DUSP16: variants seen among roughly 807,000 people sequenced by gnomAD.
DUSP16 encodes dual specificity phosphatase 16.
DUSP16 carries 21 observed loss-of-function variants against 58.3 expected under a neutral mutation model. The ratio of observed to expected loss-of-function variants is 0.36; its 90% confidence interval spans 0.26 to 0.52. The LOEUF (loss-of-function observed/expected upper bound fraction) is 0.52, where lower values mean the gene tolerates loss of function less well. DUSP16 is among the 20% of genes least tolerant of loss of function. DUSP16 has a pLI of 0.94. For synonymous variants in DUSP16, 320 were observed against 323.8 expected, an observed-to-expected ratio of 0.99 and a Z score of 0.12; for missense variants, 726 against 819.0, an observed-to-expected ratio of 0.89 and a Z score of 1.39.
chr12:12,517,922 T>G (rs1044073036), intron 3 of DUSP16, among the ~76,000 whole-genome samples: 1 of 152,200 alleles, frequency 6.6e-6, no homozygotes, highest in Non-Finnish European at 1.5e-5. Context: ...AGAGTTGACA[T>G]AGCTAATCAG....
chr12:12,534,081 C>A (rs1944430444), intron 1 of DUSP16, among the ~76,000 whole-genome samples: 1 of 152,188 alleles, frequency 6.6e-6, no homozygotes, highest in Non-Finnish European at 1.5e-5. Context: ...ATTTTCAAGG[C>A]TTGCTCTGAG....
At chr12:12,509,911 C>G (rs1403800584) in intron 3 of DUSP16, among the ~76,000 whole-genome samples, 1 of 152,070 alleles carries the variant, frequency 6.6e-6, no homozygotes, top group Non-Finnish European at 1.5e-5. Context: ...AGAAGACTCT[C>G]AGGGTGAGTG....
At chr12:12,557,497 T>TA (rs929223568) in intron 1 of DUSP16, among the ~76,000 whole-genome samples, 9 of 151,676 alleles carry the variant, frequency 5.9e-5, no homozygotes, top group African/African-American at 1.9e-4. Context: ...TGCTTTGACC[T>TA]AAAAAAAAGT....
At chr12:12,536,583 A>G (rs1944466357) in intron 1 of DUSP16, among the ~76,000 whole-genome samples, 1 of 151,820 alleles carries the variant, frequency 6.6e-6, no homozygotes, top group Non-Finnish European at 1.5e-5. Context: ...TGTCTCTACT[A>G]AAAATACAAA....
At chr12:12,525,887 A>G (rs1427855310) in intron 1 of DUSP16, among the ~76,000 whole-genome samples, 1 of 152,106 alleles carries the variant, frequency 6.6e-6, no homozygotes, top group Non-Finnish European at 1.5e-5. Flanking sequence ...TTTATGACAT[A>G]CTAGTTAGAG....
chr12:12,480,491 T>C lies in DUSP16; in HGVS notation c.692-145A>G, dbSNP rs183363437. 6 of 962,610 alleles carry C rather than the reference T, an allele frequency of 6.2e-6. No homozygotes were observed. In the East Asian group the frequency reaches 1.7e-4, roughly 27 times the overall value. The allele number at this position is 962,610 out of a possible 1,614,324, so 59.6% of individuals were successfully genotyped here. ...GTATATCATATTTATCCTCGCAATA[T>C]TCTTTTGAGGAGGCAGGGGAAGATA... On this transcript the variant is annotated intron_variant, in intron 5 of 6. Coordinates refer to ENST00000298573, the MANE Select transcript of DUSP16 (RefSeq NM_030640.3).
At chr12:12,542,163 G>T (rs1944569102) in intron 1 of DUSP16, among the ~76,000 whole-genome samples, 1 of 152,056 alleles carries the variant, frequency 6.6e-6, no homozygotes, top group Non-Finnish European at 1.5e-5. Flanking sequence ...GATCACCTCA[G>T]GTTGGGAGTT....
At chr12:12,541,464 A>G (rs1201486633) in intron 1 of DUSP16, among the ~76,000 whole-genome samples, 1 of 152,238 alleles carries the variant, frequency 6.6e-6, no homozygotes, top group African/African-American at 2.4e-5. Context: ...AGGAGGGAAA[A>G]TAAGAAACTC....
chr12:12,561,660 G>A (rs1262359031), intron 1 of DUSP16, among the ~76,000 whole-genome samples: 1 of 152,208 alleles, frequency 6.6e-6, no homozygotes, highest in Non-Finnish European at 1.5e-5. Flanking sequence ...GGCGAACTGG[G>A]GATAATGGGA....
intron 1 of DUSP16, among the ~76,000 whole-genome samples, chr12:12,522,031 G>A (rs17379216): frequency 0.28 from 42,309 of 152,120 alleles, 6,851 homozygotes; most frequent in Non-Finnish European, 0.34. Context: ...TTGCCCTCAC[G>A]GAGGAGAGAA....
At chr12:12,493,069 G>A (rs545795976) in intron 4 of DUSP16, among the ~76,000 whole-genome samples, 3 of 152,208 alleles carry the variant, frequency 2.0e-5, no homozygotes, top group South Asian at 4.1e-4. Context: ...AGTACTGTCT[G>A]TATGTTAATG....
At chr12:12,498,399 A>AGTATTTAT (rs1943862263) in intron 4 of DUSP16, among the ~76,000 whole-genome samples, 1 of 146,668 alleles carries the variant, frequency 6.8e-6, no homozygotes, top group South Asian at 2.1e-4. Context: ...TTTATTTTTT[A>AGTATTTAT]TTATTTATTT....
At chr12:12,538,462 A>G (rs1944503822) in intron 1 of DUSP16, among the ~76,000 whole-genome samples, 1 of 152,228 alleles carries the variant, frequency 6.6e-6, no homozygotes. Context: ...ATATTTATTC[A>G]AAGTCACACT....
chr12:12,477,262 G>A lies in DUSP16; in HGVS notation c.1569C>T (p.Thr523=), dbSNP rs200677415. ...CAGACTTCGTGAGGTGCTGCTGGCT[G>A]GTGGAAAGGCCGAAAAGGAAGCTGG... is the stretch of plus-strand genomic sequence containing the variant. ...YHTSFLFGLS[T]SQQHLTKSAG... Residue 523 remains threonine, a synonymous_variant, in exon 7 of 7, where the codon ACC becomes ACT. Coordinates refer to ENST00000298573, the MANE Select transcript of DUSP16 (RefSeq NM_030640.3). The surrounding 1 kb of genome is among the most constrained non-coding windows in gnomAD (Gnocchi z 4.1). 1.3e-5 allele frequency: 21 copies of A among 1,614,236 alleles called. No homozygotes were observed. The East Asian group carries it at 4.7e-4, about 36-fold the overall frequency.
At chr12:12,529,373 G>GT (rs1343730276) in intron 1 of DUSP16, among the ~76,000 whole-genome samples, 2 of 152,218 alleles carry the variant, frequency 1.3e-5, no homozygotes, top group African/African-American at 2.4e-5. Context: ...GCCTCCAAAA[G>GT]TGCTGGGATT....
chr12:12,510,282 G>A (rs1479787766), intron 3 of DUSP16, among the ~76,000 whole-genome samples: 2 of 152,142 alleles, frequency 1.3e-5, no homozygotes, highest in Non-Finnish European at 2.9e-5. Context: ...TATCCATAGG[G>A]GAAACTTGAT....
intron 1 of DUSP16, among the ~76,000 whole-genome samples, chr12:12,527,785 A>G (rs779057576): frequency 6.6e-6 from 1 of 152,128 alleles, no homozygotes; most frequent in East Asian, 1.9e-4. Context: ...TTTAGATGAT[A>G]CTAGACCTGG....
intron 1 of DUSP16, among the ~76,000 whole-genome samples, chr12:12,548,914 A>T (rs1944687846): frequency 6.6e-6 from 1 of 152,146 alleles, no homozygotes; most frequent in South Asian, 2.1e-4. Context: ...AATCATGATC[A>T]TGACTTTATC....
chr12:12,543,423 A>AT (rs978886826), intron 1 of DUSP16, among the ~76,000 whole-genome samples: 2 of 151,406 alleles, frequency 1.3e-5, no homozygotes, highest in Middle Eastern at 3.4e-3. Flanking sequence ...CTGTTCTTTT[A>AT]TTTTTTTCTG....
Sources: gnomAD v4.1 joint callset for allele counts (sites outside exome capture counted in the v4.1 genomes callset) on GRCh38, gnomAD v4.1.1 for gene constraint, Gnocchi (gnomAD v3.1) non-coding constraint, MANE v1.5 for transcripts, NCBI Gene and HGNC (gene_info 2026-07-23, HGNC 2026-07-21) for gene names.